The following MYO5A variants were observed in gnomAD, a reference collection of about 807,000 sequenced individuals.
MYO5A encodes the protein unconventional myosin-Va.
MYO5A carries 98 observed loss-of-function variants against 249.7 expected under a neutral mutation model. The observed-to-expected ratio is 0.39, with a 90% confidence interval of 0.33 to 0.46. The LOEUF (loss-of-function observed/expected upper bound fraction) is 0.46, where lower values mean the gene tolerates loss of function less well. Among genes scored for constraint, MYO5A ranks in the 20% least tolerant of loss-of-function variants. MYO5A has a pLI of 0.98. For missense variants in MYO5A, 1,696 were observed against 2,308.8 expected (o/e 0.73, Z 5.44); for synonymous variants, 778 against 810.6 (o/e 0.96, Z 0.68).
chr15:52,460,643 G>A (rs181790970), intron 1 of MYO5A, among the ~76,000 whole-genome samples: 25 of 151,694 alleles, frequency 1.6e-4, no homozygotes, highest in African/African-American at 5.8e-4. Context: ...GTGCAAAGGG[G>A]AGACGAGGAC....
chr15:52,383,828 G>A (rs575464911), intron 15 of MYO5A, among the ~76,000 whole-genome samples: 4 of 152,188 alleles, frequency 2.6e-5, no homozygotes, highest in Non-Finnish European at 4.4e-5. Flanking sequence ...AAAGAAAGGC[G>A]AGGGCCCTGT....
At chr15:52,514,022 A>G (rs1349777719) in intron 1 of MYO5A, among the ~76,000 whole-genome samples, 1 of 152,262 alleles carries the variant, frequency 6.6e-6, no homozygotes, top group African/African-American at 2.4e-5. Flanking sequence ...AAAGGGAGGG[A>G]GCAGTAGAAG....
At position 52,416,453 on chromosome 15, in the gene MYO5A, C is replaced by T; in HGVS notation, c.456-152G>A. 6 of 723,632 alleles carry T rather than the reference C, an allele frequency of 8.3e-6. No homozygotes were observed. The East Asian group carries it at 1.6e-4, about 20-fold the overall frequency. The allele number at this position is 723,632 out of a possible 1,614,324, so 44.8% of individuals were successfully genotyped here. A position where few individuals can be genotyped will look rare whatever the true frequency, so the allele number is the denominator to read the frequency against. On this transcript the variant is annotated intron_variant, in intron 4 of 41. Transcript: ENST00000399233. ...ATAACACCAAGGTCTCAGGTTCAATCCCTATACTGGCCACCAGAAATGTTG... is the reference window on the plus strand; with the variant it reads ...ATAACACCAAGGTCTCAGGTTCAATTCCTATACTGGCCACCAGAAATGTTG...
intron 33 of MYO5A, among the ~76,000 whole-genome samples, chr15:52,336,764 C>G (rs565085016): frequency 1.6e-4 from 24 of 152,332 alleles, no homozygotes; most frequent in African/African-American, 5.5e-4. Flanking sequence ...GCAGTAAACT[C>G]CTTTACAGCG....
chr15:52,334,881 C>G (rs140453953), intron 34 of MYO5A, among the ~76,000 whole-genome samples: 1 of 152,166 alleles, frequency 6.6e-6, no homozygotes, highest in Non-Finnish European at 1.5e-5. Context: ...AGAACCATAA[C>G]GTCTGTCTGG....
intron 25 of MYO5A, 27 bp downstream of exon 25, chr15:52,359,941 T>C: frequency 6.6e-7 from 1 of 1,508,340 alleles, no homozygotes; most frequent in South Asian, 1.1e-5. Context: ...CATATCCTAC[T>C]TTCAGTGACA....
intron 1 of MYO5A, among the ~76,000 whole-genome samples, chr15:52,472,079 C>T (rs888044522): frequency 5.9e-5 from 3 of 51,150 alleles, no homozygotes; most frequent in Non-Finnish European, 8.6e-5. Flanking sequence ...GTTATCCTGA[C>T]ATTTTTTTTT....
chr15:52,352,968 C>T (rs758918173), intron 27 of MYO5A, among the ~76,000 whole-genome samples: 1 of 152,178 alleles, frequency 6.6e-6, no homozygotes, highest in Non-Finnish European at 1.5e-5. Flanking sequence ...ACAGAAGACA[C>T]ATAAATGTCA....
At chr15:52,485,000 G>A (rs1185708769) in intron 1 of MYO5A, among the ~76,000 whole-genome samples, 1 of 152,108 alleles carries the variant, frequency 6.6e-6, no homozygotes, top group Non-Finnish European at 1.5e-5. Context: ...GGGATTACAG[G>A]TGTAAGCCAC....
At chr15:52,379,362 T>C (rs1439527625) in intron 18 of MYO5A, among the ~76,000 whole-genome samples, 1 of 152,250 alleles carries the variant, frequency 6.6e-6, no homozygotes, top group African/African-American at 2.4e-5. Flanking sequence ...ATGTAAGTAC[T>C]AGGTACACTT....
chr15:52,466,946 A>G (rs2076365791), intron 1 of MYO5A, among the ~76,000 whole-genome samples: 1 of 152,174 alleles, frequency 6.6e-6, no homozygotes, highest in Non-Finnish European at 1.5e-5. Flanking sequence ...GTGTCTGCTC[A>G]CTGCCTGGTA....
At chr15:52,371,451 T>C (rs1425335812) in intron 21 of MYO5A, among the ~76,000 whole-genome samples, 4 of 152,186 alleles carry the variant, frequency 2.6e-5, no homozygotes, top group Non-Finnish European at 4.4e-5. Context: ...TGATACCACA[T>C]GAAAATAAAT....
chr15:52,357,823 G>C (rs1242167576), intron 25 of MYO5A, among the ~76,000 whole-genome samples: 2 of 152,188 alleles, frequency 1.3e-5, no homozygotes, highest in Non-Finnish European at 2.9e-5. Context: ...TAAGGACTTT[G>C]TCACCCAGGG....
intron 9 of MYO5A, among the ~76,000 whole-genome samples, chr15:52,402,783 T>C (rs1484733328): frequency 6.6e-6 from 1 of 152,028 alleles, no homozygotes; most frequent in Non-Finnish European, 1.5e-5. Flanking sequence ...AGGTGGAGGT[T>C]GCAGTGAGCC....
chr15:52,475,874 G>C (rs1247073342), intron 1 of MYO5A, among the ~76,000 whole-genome samples: 1 of 152,160 alleles, frequency 6.6e-6, no homozygotes, highest in African/African-American at 2.4e-5. Flanking sequence ...GTTGATTTGG[G>C]GTGGAGAGTT....
At position 52,308,842 on chromosome 15, in the gene MYO5A, C is replaced by T. The variant is rs1229686873; in HGVS notation, c.*4854G>A. The T allele has an allele frequency of 6.5e-6, 1 of 152,944 alleles. No individual in the cohort carries two copies. The allele number at this position is 152,944 out of a possible 1,614,324, so 9.5% of individuals were successfully genotyped here. On this transcript the variant is annotated 3_prime_UTR_variant, in exon 42 of 42. Transcript: ENST00000399233. ...GCAAGGGTTAAGGCGGCCCTCACAG[C>T]ACAGCCTGAGAACAAATTACAATGC...
chr15:52,424,617 T>C (rs2075355947), intron 4 of MYO5A, among the ~76,000 whole-genome samples: 1 of 152,198 alleles, frequency 6.6e-6, no homozygotes, highest in Non-Finnish European at 1.5e-5. Flanking sequence ...TGTCACATGC[T>C]GGACCAATCA....
At chr15:52,486,911 C>CA (rs1458235248) in intron 1 of MYO5A, among the ~76,000 whole-genome samples, 1 of 152,170 alleles carries the variant, frequency 6.6e-6, no homozygotes, top group Non-Finnish European at 1.5e-5. Flanking sequence ...AGGAAACACT[C>CA]AGAGCTAGAA....
chr15:52,346,765 T>C (rs1375907203), intron 29 of MYO5A, among the ~76,000 whole-genome samples: 1 of 146,858 alleles, frequency 6.8e-6, no homozygotes, highest in Non-Finnish European at 1.5e-5. Context: ...TTTTACATTA[T>C]GTGAAAAAAA....
Sources: gnomAD v4.1 joint callset for allele counts (sites outside exome capture counted in the v4.1 genomes callset) on GRCh38, gnomAD v4.1.1 for gene constraint, MANE v1.5 for transcripts, NCBI Gene and HGNC (gene_info 2026-07-23, HGNC 2026-07-21) for gene names.